Variants in CDK19 observed in about 807,000 individuals in gnomAD.
CDK19 encodes the protein cyclin dependent kinase 19, also known as cyclin-dependent kinase 19.
In CDK19, 20 loss-of-function variants were observed where a neutral mutation model predicts 68.3. The observed-to-expected ratio is 0.29, with a 90% CI of 0.21 to 0.43. The LOEUF (loss-of-function observed/expected upper bound fraction) is 0.43. Ranked by LOEUF, CDK19 falls within the 20% of genes least tolerant of loss-of-function variation. The pLI, the probability that CDK19 is intolerant of heterozygous loss-of-function variation, is 1.00. For missense variants in CDK19, 339 were observed against 623.5 expected (o/e 0.54, Z 4.86); for synonymous variants, 221 against 222.8 (o/e 0.99, Z 0.07).
At chr6:110,637,786 C>G (rs780011624) in intron 5 of CDK19, among the ~76,000 whole-genome samples, 1 of 152,166 alleles carries the variant, frequency 6.6e-6, no homozygotes, top group Non-Finnish European at 1.5e-5. Flanking sequence ...TCGAGACCAG[C>G]CTGGCCAACA....
chr6:110,741,774 A>G (rs1482402968), intron 2 of CDK19, among the ~76,000 whole-genome samples: 1 of 152,186 alleles, frequency 6.6e-6, no homozygotes, highest in Non-Finnish European at 1.5e-5. Context: ...TGTGAAAGAA[A>G]AAGACTATCA....
chr6:110,771,671 A>T (rs957923018), intron 1 of CDK19, among the ~76,000 whole-genome samples: 2 of 152,082 alleles, frequency 1.3e-5, no homozygotes, highest in African/African-American at 4.8e-5. Context: ...TTTCCATAAC[A>T]TTGTCAGGCT....
Position 110,670,443 on chromosome 6 carries a change from C to T in CDK19, c.303G>A (p.Glu101=). Residue 101 remains glutamate, a synonymous_variant, in exon 3 of 13, where the codon GAG becomes GAA. Coordinates refer to ENST00000368911, the MANE Select transcript of CDK19 (RefSeq NM_015076.5). ...RKVWLLFDYA[E]HDLWHIIKFH... ...AGATTATACTTACCCACAAGTCATGCTCTGCATAATCAAACAGCAGCCATA... is the reference window on the plus strand; with the variant it reads ...AGATTATACTTACCCACAAGTCATGTTCTGCATAATCAAACAGCAGCCATA... 1 of 1,587,384 alleles carries T rather than the reference C, an allele frequency of 6.3e-7. No homozygotes were observed. Among genetic ancestry groups the T allele is most frequent in the Non-Finnish European group, 8.7e-7 (1 of 1,155,716 alleles).
intron 2 of CDK19, among the ~76,000 whole-genome samples, chr6:110,727,253 AC>A (rs764092711): frequency 3.0e-4 from 46 of 152,048 alleles, no homozygotes; most frequent in Middle Eastern, 3.4e-3. Context: ...CCCTCGCCAT[AC>A]CCCTTTCACT....
chr6:110,716,341 T>C (rs1251039622), intron 2 of CDK19, among the ~76,000 whole-genome samples: 1 of 152,130 alleles, frequency 6.6e-6, no homozygotes, highest in Non-Finnish European at 1.5e-5. Context: ...ACAAAACTCA[T>C]ACTTTCTATT....
intron 2 of CDK19, chr6:110,706,703 G>A (rs1054649594): frequency 3.3e-5 from 5 of 153,150 alleles, no homozygotes; most frequent in East Asian, 1.9e-4. Flanking sequence ...GTGAGCCACC[G>A]CGCCTGGCCC....
At chr6:110,641,366 G>A (rs1018207936) in intron 4 of CDK19, among the ~76,000 whole-genome samples, 8 of 152,024 alleles carry the variant, frequency 5.3e-5, no homozygotes, top group African/African-American at 1.9e-4. Context: ...GAAGGCCGAG[G>A]TACGTGGATC....
chr6:110,620,308 T>C (rs1778623814), intron 12 of CDK19, among the ~76,000 whole-genome samples: 1 of 152,214 alleles, frequency 6.6e-6, no homozygotes, highest in African/African-American at 2.4e-5. Flanking sequence ...CCAGAGGTTT[T>C]GTTTTCTATT....
intron 1 of CDK19, 83 bp from the exon 2 acceptor site, chr6:110,746,284 C>T: frequency 2.6e-6 from 2 of 763,042 alleles, no homozygotes; most frequent in Non-Finnish European, 4.3e-6. Context: ...TGGAAATGCA[C>T]TTAATTTCTC....
intron 2 of CDK19, among the ~76,000 whole-genome samples, chr6:110,734,370 G>A (rs1455137100): frequency 2.0e-5 from 3 of 152,100 alleles, no homozygotes; most frequent in African/African-American, 7.2e-5. Flanking sequence ...AACCCTAGTT[G>A]CAGCAGTTAA....
intron 1 of CDK19, among the ~76,000 whole-genome samples, chr6:110,812,024 C>G (rs1783139432): frequency 6.6e-6 from 1 of 151,702 alleles, no homozygotes; most frequent in Admixed American, 6.6e-5. Flanking sequence ...ACAGCAAGAC[C>G]CGGTCTCTAC....
intron 2 of CDK19, among the ~76,000 whole-genome samples, chr6:110,729,780 C>T (rs117183244): frequency 0.027 from 4,154 of 151,966 alleles, 81 homozygotes; most frequent in South Asian, 0.083. Flanking sequence ...GTTGCCCAGG[C>T]TAGAGTGCAG....
intron 1 of CDK19, among the ~76,000 whole-genome samples, chr6:110,776,384 G>A (rs532228637): frequency 4.0e-5 from 6 of 151,654 alleles, no homozygotes; most frequent in Admixed American, 1.3e-4. Context: ...AGCCGAGATC[G>A]TGCCACTGCA....
intron 2 of CDK19, among the ~76,000 whole-genome samples, chr6:110,696,153 AT>A (rs1443622326): frequency 1.3e-5 from 2 of 152,224 alleles, no homozygotes; most frequent in African/African-American, 4.8e-5. Flanking sequence ...ATACACCATG[AT>A]CAAGTGGGTT....
intron 4 of CDK19, among the ~76,000 whole-genome samples, chr6:110,654,445 G>C (rs1269867194): frequency 1.3e-5 from 2 of 152,222 alleles, no homozygotes; most frequent in African/African-American, 2.4e-5. Flanking sequence ...CATTGTGGTT[G>C]CAACTTCCTA....
At chr6:110,778,280 G>A (rs1168733966) in intron 1 of CDK19, among the ~76,000 whole-genome samples, 2 of 152,116 alleles carry the variant, frequency 1.3e-5, no homozygotes, top group East Asian at 3.8e-4. Flanking sequence ...TTGTCATATA[G>A]TTTTTAAAAA....
At chr6:110,718,789 A>G (rs1345464009) in intron 2 of CDK19, among the ~76,000 whole-genome samples, 1 of 152,208 alleles carries the variant, frequency 6.6e-6, no homozygotes, top group African/African-American at 2.4e-5. Context: ...GATATACCAA[A>G]ATAAGGAGTA....
intron 1 of CDK19, among the ~76,000 whole-genome samples, chr6:110,794,796 T>C (rs981830251): frequency 3.3e-5 from 5 of 151,708 alleles, no homozygotes; most frequent in African/African-American, 1.2e-4. Flanking sequence ...AATATATATA[T>C]ATCTGTGAAA....
rs1582899623 is a variant in CDK19 at position 110,702,477 on chromosome 6, T to C, written c.205-31936A>G. Among the ~76,000 whole-genome samples the C allele has an allele frequency of 2.0e-5, 3 of 152,106 alleles. No individual in the cohort carries two copies. The South Asian group carries it at 6.2e-4, about 32-fold the overall frequency. ...AAAAAAAAAATTAAAATTAAAAATA[T>C]TAGCCAAGTGTGTTGGCATGTACCT... On this transcript the variant is annotated intron_variant, in intron 2 of 12. Transcript: ENST00000368911.
Sources: allele counts gnomAD v4.1 joint callset (sites outside exome capture counted in the v4.1 genomes callset), GRCh38; gene constraint gnomAD v4.1.1; transcripts MANE v1.5; gene names NCBI Gene and HGNC (gene_info 2026-07-23, HGNC 2026-07-21).